Variants in CSGALNACT1 observed in about 807,000 individuals in gnomAD.
The protein encoded by CSGALNACT1 is chondroitin sulfate N-acetylgalactosaminyltransferase 1.
Under a neutral mutation model 51.0 loss-of-function variants are expected in CSGALNACT1, and 52 were observed. The ratio of observed to expected loss-of-function variants is 1.02; its 90% CI spans 0.82 to 1.29. The LOEUF (loss-of-function observed/expected upper bound fraction) is 1.29. CSGALNACT1 is among the 50% of genes most tolerant of loss of function. The probability of loss-of-function intolerance (pLI) is 0.00; values close to 1 mark genes in which losing one functional copy is unlikely to be tolerated. For synonymous variants in CSGALNACT1, 341 were observed against 254.4 expected, an observed-to-expected ratio of 1.34 and a Z score of -3.24; for missense variants, 935 against 679.2, an observed-to-expected ratio of 1.38 and a Z score of -4.19.
rs190015274 is a variant in CSGALNACT1 at position 19,517,479 on chromosome 8, G to T, written c.-296-11349C>A. ...GAAGAAAAAGAGAATATCTCTAGAAGGGTTAAAGTGATCACTGTGGAAGGC... is the reference window on the plus strand; with the variant it reads ...GAAGAAAAAGAGAATATCTCTAGAATGGTTAAAGTGATCACTGTGGAAGGC... On this transcript the variant is annotated intron_variant, in intron 3 of 9. Coordinates refer to ENST00000454498, the Ensembl canonical transcript of CSGALNACT1. 1.0e-3 allele frequency among the ~76,000 whole-genome samples: 157 copies of T among 152,192 alleles called. 1 individual carries two copies. The highest frequency in any genetic ancestry group is 9.8e-4 in the Admixed American group (15 of 15,282).
At chr8:19,502,012 G>C (rs2076508029) in intron 4 of CSGALNACT1, among the ~76,000 whole-genome samples, 1 of 152,230 alleles carries the variant, frequency 6.6e-6, no homozygotes, top group Non-Finnish European at 1.5e-5. Flanking sequence ...TCTGTGTTTT[G>C]AGGATAGATA....
chr8:19,620,658 C>A (rs993029988), intron 1 of CSGALNACT1, among the ~76,000 whole-genome samples: 2 of 152,160 alleles, frequency 1.3e-5, no homozygotes, highest in South Asian at 4.1e-4. Context: ...AGGTCTTCAA[C>A]TCCTGGCTTA....
chr8:19,465,346 C>T (rs1246049047), intron 4 of CSGALNACT1, among the ~76,000 whole-genome samples: 1 of 152,016 alleles, frequency 6.6e-6, no homozygotes, highest in Admixed American at 6.6e-5. Flanking sequence ...GCTGGGGAAG[C>T]AGGGACTGGG....
At chr8:19,548,390 T>C (rs13275523) in intron 3 of CSGALNACT1, among the ~76,000 whole-genome samples, 1 of 152,082 alleles carries the variant, frequency 6.6e-6, no homozygotes, top group Non-Finnish European at 1.5e-5. Context: ...TCATGATTCA[T>C]ATGAGACTAA....
At chr8:19,473,215 C>A (rs558086277) in intron 4 of CSGALNACT1, among the ~76,000 whole-genome samples, 1 of 152,138 alleles carries the variant, frequency 6.6e-6, no homozygotes, top group Non-Finnish European at 1.5e-5. Context: ...ATGTAATATT[C>A]GGGTCAAGGC....
Position 19,697,699 on chromosome 8 carries a change from A to G in CSGALNACT1, c.-297+60151T>C, listed in dbSNP as rs147744755. Among the ~76,000 whole-genome samples, 791 of 152,266 alleles carry G rather than the reference A, an allele frequency of 5.2e-3. 19 individuals are homozygous for G. The highest frequency in any genetic ancestry group is 0.041 in the Admixed American group (633 of 15,298). The stretch of plus-strand genomic sequence containing the variant: ...CAGGGCCCTTGCTGGGACCGAGCAG[A>G]GTCAGAGGCAATGAGTCCACTGTGG... On this transcript the variant is annotated intron_variant, in intron 1 of 1. Transcript: ENST00000517494.
intron 1 of CSGALNACT1, among the ~76,000 whole-genome samples, chr8:19,709,438 A>C (rs2062371404): frequency 6.6e-6 from 1 of 152,248 alleles, no homozygotes; most frequent in East Asian, 1.9e-4. Context: ...GTCTAGGGCT[A>C]GCAAGGAAAT....
chr8:19,417,776 C>T (rs1004439044), intron 8 of CSGALNACT1, among the ~76,000 whole-genome samples: 2 of 152,168 alleles, frequency 1.3e-5, no homozygotes, highest in Non-Finnish European at 2.9e-5. Flanking sequence ...GGCTCATCTC[C>T]CCGCAGGAAA....
intron 1 of CSGALNACT1, among the ~76,000 whole-genome samples, chr8:19,615,244 AGT>A (rs1410835507): frequency 6.6e-6 from 1 of 152,200 alleles, no homozygotes; most frequent in Non-Finnish European, 1.5e-5. Context: ...CAGAGGTTGC[AGT>A]GAGCCCGGAT....
At chr8:19,480,654 T>C (rs979121903) in intron 4 of CSGALNACT1, among the ~76,000 whole-genome samples, 1 of 152,196 alleles carries the variant, frequency 6.6e-6, no homozygotes, top group African/African-American at 2.4e-5. Context: ...AAGAGCATAG[T>C]TGCTGACCCA....
At chr8:19,648,174 C>T (rs1429826704) in intron 1 of CSGALNACT1, among the ~76,000 whole-genome samples, 1 of 152,210 alleles carries the variant, frequency 6.6e-6, no homozygotes, top group African/African-American at 2.4e-5. Context: ...CTCCTTCCAA[C>T]ACTTAAGAAT....
At chr8:19,697,266 G>C (rs2061632751) in intron 1 of CSGALNACT1, among the ~76,000 whole-genome samples, 1 of 152,130 alleles carries the variant, frequency 6.6e-6, no homozygotes, top group South Asian at 2.1e-4. Context: ...GGGAGCCATA[G>C]AGGCAGTTTC....
chr8:19,608,371 C>T (rs1262822655), intron 1 of CSGALNACT1, among the ~76,000 whole-genome samples: 1 of 152,186 alleles, frequency 6.6e-6, no homozygotes, highest in Non-Finnish European at 1.5e-5. Flanking sequence ...TTCAGAAATA[C>T]CAAGTTCAGT....
Position 19,741,335 on chromosome 8 carries a change from C to T in CSGALNACT1, c.-297+16515G>A, listed in dbSNP as rs138109490. ...ATTCCAGCACTTTGGCAGGCTGAGG[C>T]GGATGGATCACGAGGTCAGGAGTTT... On this transcript the variant is annotated intron_variant, in intron 1 of 1. Transcript: ENST00000517494. Among the ~76,000 whole-genome samples, 59 of 152,086 alleles carry T rather than the reference C, an allele frequency of 3.9e-4. 1 individual carries two copies. Among genetic ancestry groups the T allele is most frequent in the African/African-American group, 1.3e-3 (54 of 41,492 alleles).
rs1382451452 is a variant in CSGALNACT1 at position 19,757,593 on chromosome 8, G to C, written c.-297+257C>G. 6.6e-6 allele frequency among the ~76,000 whole-genome samples: 1 copy of C among 152,182 alleles called. No homozygotes were observed. The highest frequency in any genetic ancestry group is 1.5e-5 in the Non-Finnish European group (1 of 68,024). On this transcript the variant is annotated intron_variant, in intron 1 of 1. Transcript: ENST00000517494. This position sits in a 1 kb window ranked among gnomAD's most constrained non-coding sequence, Gnocchi z 4.0. ...TGACTGGACACCAAGAGCCGGAGAA[G>C]TTTAGAGACTAGGACACTGTGGCGT... is the stretch of plus-strand genomic sequence containing the variant.
Position 19,711,485 on chromosome 8 carries a change from G to A in CSGALNACT1, c.-297+46365C>T, listed in dbSNP as rs141987417. Among the ~76,000 whole-genome samples, 391 of 152,280 alleles carry A rather than the reference G, an allele frequency of 2.6e-3. 3 individuals carry two copies. The highest frequency in any genetic ancestry group is 7.8e-3 in the African/African-American group (324 of 41,556). On this transcript the variant is annotated intron_variant, in intron 1 of 1. Coordinates refer to the CSGALNACT1 transcript ENST00000517494. ...AATTAATGTATTTCAACAGCGTGGCGTCTATTTAAGGGAACATGGCAAATA... is the reference window on the plus strand; with the variant it reads ...AATTAATGTATTTCAACAGCGTGGCATCTATTTAAGGGAACATGGCAAATA...
chr8:19,425,214 G>A (rs1389072844), intron 6 of CSGALNACT1, among the ~76,000 whole-genome samples: 12 of 152,100 alleles, frequency 7.9e-5, no homozygotes, highest in Admixed American at 5.2e-4. Flanking sequence ...TGGTGGTGGC[G>A]CCTGTAGTCC....
intron 3 of CSGALNACT1, among the ~76,000 whole-genome samples, chr8:19,529,586 C>G (rs1206004345): frequency 6.6e-6 from 1 of 152,176 alleles, no homozygotes; most frequent in Non-Finnish European, 1.5e-5. Flanking sequence ...AAATACGTAT[C>G]AATATCAAAA....
chr8:19,549,635 T>G (rs2087420620), intron 3 of CSGALNACT1, among the ~76,000 whole-genome samples: 1 of 150,246 alleles, frequency 6.7e-6, no homozygotes, highest in African/African-American at 2.4e-5. Flanking sequence ...GGAAACTTTC[T>G]TCACTTTCCC....
Sources: allele counts gnomAD v4.1 joint callset (sites outside exome capture counted in the v4.1 genomes callset), GRCh38; gene constraint gnomAD v4.1.1; non-coding constraint Gnocchi (gnomAD v3.1); transcripts MANE v1.5; gene names NCBI Gene and HGNC (gene_info 2026-07-23, HGNC 2026-07-21).